The following PLEKHH2 variants were observed in gnomAD, a reference collection of about 807,000 sequenced individuals.
The protein encoded by PLEKHH2 is pleckstrin homology, MyTH4 and FERM domain containing H2, also known as pleckstrin homology domain-containing family H member 2.
Under a neutral mutation model 187.9 loss-of-function variants are expected in PLEKHH2, and 129 were observed. The ratio of observed to expected loss-of-function variants is 0.69; its 90% confidence interval spans 0.59 to 0.79. PLEKHH2 has a LOEUF of 0.79. Ranked by LOEUF, PLEKHH2 falls within the 30% of genes least tolerant of loss-of-function variation. PLEKHH2 has a pLI of 0.00. For missense variants in PLEKHH2, 2,076 were observed against 1,751.2 expected (o/e 1.19, Z -3.31); for synonymous variants, 686 against 605.6 (o/e 1.13, Z -1.95).
At chr2:43,653,467 A>G (rs750746064) in intron 2 of PLEKHH2, among the ~76,000 whole-genome samples, 1 of 152,260 alleles carries the variant, frequency 6.6e-6, no homozygotes, top group African/African-American at 2.4e-5. Context: ...TGAAGGTAGA[A>G]TAAAGATATT....
At chr2:43,684,598 A>T (rs915613503) in intron 3 of PLEKHH2, among the ~76,000 whole-genome samples, 6 of 151,622 alleles carry the variant, frequency 4.0e-5, no homozygotes, top group African/African-American at 1.5e-4. Context: ...AGGAGTCTTT[A>T]AAAAAGGATC....
rs552211925 is a variant in PLEKHH2, at chr2:43,710,002, C to G, written c.1979C>G (p.Ser660Cys). 2 of 1,611,468 alleles carry G rather than the reference C, an allele frequency of 1.2e-6. No individual in the cohort carries two copies. The highest frequency in any genetic ancestry group is 1.3e-5 in the African/African-American group (1 of 74,810). ...TTTGTTCTCTTAGGTGTGTCTCTCTCCTCTGTGGCTTCTGAAAGTGATTAT... is the reference window on the plus strand; with the variant it reads ...TTTGTTCTCTTAGGTGTGTCTCTCTGCTCTGTGGCTTCTGAAAGTGATTAT... The part of the protein sequence containing the change: ...PRAMKRGVSL[S>C]SVASESDYAI... Residue 660 changes from serine to cysteine, a missense_variant, in exon 12 of 30, where the codon TCC (serine) becomes TGC (cysteine). By Grantham distance (112) the Ser-to-Cys change is moderately radical. Coordinates refer to ENST00000282406, the MANE Select transcript of PLEKHH2 (RefSeq NM_172069.4).
At chr2:43,651,125 AT>A (rs1666449079) in intron 2 of PLEKHH2, among the ~76,000 whole-genome samples, 1 of 149,958 alleles carries the variant, frequency 6.7e-6, no homozygotes, top group Admixed American at 6.7e-5. Context: ...TCACAACATA[AT>A]TTTTTGGAGT....
intron 1 of PLEKHH2, among the ~76,000 whole-genome samples, chr2:43,641,077 G>C (rs1665891104): frequency 6.6e-6 from 1 of 151,510 alleles, no homozygotes; most frequent in African/African-American, 2.4e-5. Context: ...ATAAGCATGA[G>C]CCACCACGTC....
chr2:43,685,119 C>G (rs899900622), intron 3 of PLEKHH2, among the ~76,000 whole-genome samples: 1 of 152,196 alleles, frequency 6.6e-6, no homozygotes, highest in African/African-American at 2.4e-5. Flanking sequence ...TTCCATGGGA[C>G]TGTGGCCTAT....
chr2:43,712,141 G>T, intron 14 of PLEKHH2, 84 bp from the exon 15 acceptor site: 1 of 1,499,938 alleles, frequency 6.7e-7, no homozygotes, highest in South Asian at 1.2e-5. Flanking sequence ...GTTAAGTAAT[G>T]ACGTTTGAAT....
intron 15 of PLEKHH2, among the ~76,000 whole-genome samples, chr2:43,716,053 G>A (rs1670195400): frequency 6.6e-6 from 1 of 152,118 alleles, no homozygotes; most frequent in African/African-American, 2.4e-5. Context: ...GGGTTGAAGG[G>A]TAAATGGGAG....
intron 2 of PLEKHH2, among the ~76,000 whole-genome samples, chr2:43,646,156 G>T (rs1666175264): frequency 1.3e-5 from 2 of 152,054 alleles, no homozygotes; most frequent in African/African-American, 4.8e-5. Context: ...TTTATTTATT[G>T]ATATTACATC....
chr2:43,696,486 T>TG (rs1669096777), intron 6 of PLEKHH2, among the ~76,000 whole-genome samples: 1 of 82,700 alleles, frequency 1.2e-5, no homozygotes, highest in Admixed American at 1.2e-4. Context: ...ACACCCTGTC[T>TG]CAAAAAAAAA....
At chr2:43,727,330 T>A (rs1410738455) in intron 17 of PLEKHH2, among the ~76,000 whole-genome samples, 4 of 144,886 alleles carry the variant, frequency 2.8e-5, no homozygotes, top group Admixed American at 1.4e-4. Flanking sequence ...GGGAATCGCT[T>A]GAACCCAGGA....
At chr2:43,749,169 A>G (rs1006771201) in intron 24 of PLEKHH2, among the ~76,000 whole-genome samples, 1 of 152,264 alleles carries the variant, frequency 6.6e-6, no homozygotes, top group African/African-American at 2.4e-5. Flanking sequence ...GATATGAAAG[A>G]CAGGTAAAAA....
Position 43,695,097 on chromosome 2 carries a change from T to A in PLEKHH2, c.421-46T>A, listed in dbSNP as rs913843405. 3.9e-6 allele frequency: 4 copies of A among 1,033,350 alleles called. No homozygotes were observed. In the African/African-American group the frequency reaches 4.9e-5, roughly 13 times the overall value. 64.0% of individuals were successfully genotyped at this position (1,033,350 alleles called of 1,614,324 possible). ...ATATTATAATTTATTAGTACATTTT[T>A]ATAATATTATCTCTATATGAAAAGA... is the stretch of plus-strand genomic sequence containing the variant. On this transcript the variant is annotated intron_variant, in intron 5 of 29. Coordinates refer to ENST00000282406, the MANE Select transcript of PLEKHH2 (RefSeq NM_172069.4).
chr2:43,699,593 C>T, intron 7 of PLEKHH2, 54 bp from the exon 8 acceptor site: 3 of 1,550,624 alleles, frequency 1.9e-6, no homozygotes, highest in Non-Finnish European at 2.6e-6. Flanking sequence ...GCTAAATGTA[C>T]AGAAAGATTA....
chr2:43,692,985 C>G (rs952905621), intron 4 of PLEKHH2, among the ~76,000 whole-genome samples: 1 of 152,224 alleles, frequency 6.6e-6, no homozygotes, highest in Admixed American at 6.5e-5. Context: ...TCGATCTCAG[C>G]TCACTGCAAC....
Position 43,700,538 on chromosome 2 carries a change from ACTGTGACT to A in PLEKHH2, c.1582_1589del (p.Cys528SerfsTer36). 1 of 1,613,820 alleles carries A rather than the reference ACTGTGACT, an allele frequency of 6.2e-7. No individual in the cohort carries two copies. The highest frequency in any genetic ancestry group is 1.1e-5 in the South Asian group (1 of 91,078). Reference sequence around the variant, plus strand: ...TCTCCAAATTCAGATGACCAGGAACACTGTGACTCAGCAAAGAAGGTGGCATACAGCAA... The same window carrying A: ...TCTCCAAATTCAGATGACCAGGAACACAGCAAAGAAGGTGGCATACAGCAA... On this transcript the variant is annotated frameshift_variant, in exon 8 of 30. Transcript: ENST00000282406. LOFTEE classifies it high-confidence loss of function.
intron 15 of PLEKHH2, among the ~76,000 whole-genome samples, chr2:43,716,541 G>A (rs995962708): frequency 1.3e-5 from 2 of 152,116 alleles, no homozygotes; most frequent in African/African-American, 4.8e-5. Flanking sequence ...AGTTTTTATC[G>A]AATATTTTTC....
chr2:43,643,138 T>C (rs979747966), intron 1 of PLEKHH2, among the ~76,000 whole-genome samples: 2 of 152,112 alleles, frequency 1.3e-5, no homozygotes, highest in Admixed American at 6.5e-5. Context: ...TCATTGCTAG[T>C]AAATGCCAAT....
At chr2:43,742,229 C>A (rs1454707839) in intron 21 of PLEKHH2, among the ~76,000 whole-genome samples, 1 of 151,924 alleles carries the variant, frequency 6.6e-6, no homozygotes, top group Non-Finnish European at 1.5e-5. Flanking sequence ...CTTGAACTCT[C>A]GACCTCAGGT....
intron 6 of PLEKHH2, among the ~76,000 whole-genome samples, chr2:43,696,135 T>C (rs1193133948): frequency 3.9e-5 from 6 of 152,094 alleles, no homozygotes; most frequent in African/African-American, 7.3e-5. Flanking sequence ...GAGATTGGTC[T>C]ATTTAAAAAA....
Sources: gnomAD v4.1 joint callset for allele counts (sites outside exome capture counted in the v4.1 genomes callset) on GRCh38, gnomAD v4.1.1 for gene constraint, MANE v1.5 for transcripts, NCBI Gene and HGNC (gene_info 2026-07-23, HGNC 2026-07-21) for gene names.